The following TMEM71 variants were observed in gnomAD, a reference collection of about 807,000 sequenced individuals.
TMEM71 encodes the protein transmembrane protein 71.
TMEM71 carries 44 observed loss-of-function variants against 38.0 expected under a neutral mutation model. The ratio of observed to expected loss-of-function variants is 1.16; its 90% CI spans 0.91 to 1.49. The LOEUF is 1.49. Ranked by LOEUF, TMEM71 falls within the 40% of genes most tolerant of loss-of-function variation. The probability of loss-of-function intolerance (pLI) is 0.00; values close to 1 mark genes in which losing one functional copy is unlikely to be tolerated. For missense variants in TMEM71, 367 were observed against 348.6 expected (o/e 1.05, Z -0.42); for synonymous variants, 133 against 122.5 (o/e 1.09, Z -0.56).
chr8:132,753,380 T>C (rs1414576975), intron 3 of TMEM71, among the ~76,000 whole-genome samples: 2 of 152,304 alleles, frequency 1.3e-5, no homozygotes, highest in South Asian at 2.1e-4. Flanking sequence ...TACCTTGATG[T>C]TTTCAGTAAT....
chr8:132,724,852 T>C (rs560456964), intron 6 of TMEM71, among the ~76,000 whole-genome samples: 8 of 152,268 alleles, frequency 5.3e-5, no homozygotes, highest in African/African-American at 1.7e-4. Context: ...CACATACTTA[T>C]CAACAAAGTT....
At chr8:132,756,674 C>T (rs1002660837) in intron 3 of TMEM71, among the ~76,000 whole-genome samples, 5 of 151,362 alleles carry the variant, frequency 3.3e-5, no homozygotes, top group African/African-American at 7.3e-5. Flanking sequence ...GCAACCTCTG[C>T]CTCCCAGGTT....
chr8:132,737,299 A>G (rs1827803183), intron 5 of TMEM71, among the ~76,000 whole-genome samples: 1 of 152,174 alleles, frequency 6.6e-6, no homozygotes, highest in Non-Finnish European at 1.5e-5. Flanking sequence ...CTGTACTAAG[A>G]TATTTGTGCC....
chr8:132,706,173 G>GA (rs34348140), downstream of TMEM71, among the ~76,000 whole-genome samples: 6 of 151,650 alleles, frequency 4.0e-5, no homozygotes, highest in African/African-American at 1.2e-4. Flanking sequence ...TTAGAATTCT[G>GA]AAAAAAAATA....
chr8:132,734,529 A>G (rs1222978958), intron 5 of TMEM71, among the ~76,000 whole-genome samples: 1 of 152,222 alleles, frequency 6.6e-6, no homozygotes, highest in African/African-American at 2.4e-5. Context: ...AGTTGAATAT[A>G]AAGCTTTGCT....
At chr8:132,719,215 C>G (rs1001308551) in intron 7 of TMEM71, among the ~76,000 whole-genome samples, 1 of 152,314 alleles carries the variant, frequency 6.6e-6, no homozygotes, top group South Asian at 2.1e-4. Context: ...ACTATTCTTA[C>G]ATCTATAATA....
At position 132,749,233 on chromosome 8, in the gene TMEM71, A is replaced by G. The variant is rs1425711; in HGVS notation, c.315-2119T>C. On this transcript the variant is annotated intron_variant, in intron 4 of 9. Transcript: ENST00000677595. ...GAAGGTAGGTAATCCAGGAGGCATC[A>G]GAATCAACCATGGCTGAAATCTAAA... Among the ~76,000 whole-genome samples the G allele has an allele frequency of 1.8e-3, 279 of 152,358 alleles. 4 individuals are homozygous for G. The highest frequency in any genetic ancestry group is 6.4e-3 in the African/African-American group (267 of 41,578).
upstream of TMEM71, among the ~76,000 whole-genome samples, chr8:132,763,876 T>C (rs1829332398): frequency 1.3e-5 from 2 of 152,214 alleles, no homozygotes; most frequent in Admixed American, 1.3e-4. Context: ...AAAGAACTCA[T>C]GTTAGGAAAT....
intron 6 of TMEM71, among the ~76,000 whole-genome samples, chr8:132,727,338 C>A (rs1222894107): frequency 3.3e-5 from 5 of 151,436 alleles, no homozygotes; most frequent in African/African-American, 1.2e-4. Context: ...CTCACTGCAA[C>A]CTCTGCCTCC....
chr8:132,744,013 A>T (rs1430835091), intron 5 of TMEM71, among the ~76,000 whole-genome samples: 1 of 152,078 alleles, frequency 6.6e-6, no homozygotes, highest in Admixed American at 6.5e-5. Context: ...ATTCCCCATT[A>T]TATCATATAA....
chr8:132,751,412 C>T (rs181230544), intron 4 of TMEM71, among the ~76,000 whole-genome samples: 216 of 152,308 alleles, frequency 1.4e-3, no homozygotes, highest in African/African-American at 4.7e-3. Flanking sequence ...TACCTATTCC[C>T]CAAGTAAAAT....
At chr8:132,713,368 A>G (rs1340154916) in intron 9 of TMEM71, among the ~76,000 whole-genome samples, 1 of 152,158 alleles carries the variant, frequency 6.6e-6, no homozygotes, top group Non-Finnish European at 1.5e-5. Context: ...TTTCAGAATT[A>G]GCGCAGATTT....
the TMEM71 span, among the ~76,000 whole-genome samples, chr8:132,772,119 T>A: frequency 1.3e-5 from 2 of 152,244 alleles, no homozygotes; most frequent in African/African-American, 4.8e-5. Context: ...AAAAAATAGC[T>A]ATCTTGTGTT....
chr8:132,775,892 C>T, the TMEM71 span, among the ~76,000 whole-genome samples: 1 of 152,190 alleles, frequency 6.6e-6, no homozygotes, highest in African/African-American at 2.4e-5. Flanking sequence ...TCAGCCTTTC[C>T]TGCCTGTCTC....
chr8:132,720,215 T>C (rs1330242866), intron 7 of TMEM71, among the ~76,000 whole-genome samples: 1 of 152,180 alleles, frequency 6.6e-6, no homozygotes, highest in East Asian at 1.9e-4. Context: ...GAGTTACCTT[T>C]CTTACCCCCT....
intron 3 of TMEM71, among the ~76,000 whole-genome samples, chr8:132,753,180 T>G (rs978779800): frequency 6.6e-6 from 1 of 152,056 alleles, no homozygotes. Context: ...GGGCAGATAC[T>G]GTAAGCCTAA....
chr8:132,729,024 T>C (rs1052715063), intron 5 of TMEM71, among the ~76,000 whole-genome samples: 2 of 152,246 alleles, frequency 1.3e-5, no homozygotes, highest in Non-Finnish European at 1.5e-5. Flanking sequence ...CTATGATGAT[T>C]CATACATAAA....
intron 5 of TMEM71, among the ~76,000 whole-genome samples, chr8:132,728,626 C>T (rs1022025376): frequency 2.6e-5 from 4 of 152,324 alleles, no homozygotes; most frequent in African/African-American, 9.6e-5. Flanking sequence ...GAGGCATCTT[C>T]AATGACACTG....
At chr8:132,755,706 T>TA (rs1345807023) in intron 3 of TMEM71, among the ~76,000 whole-genome samples, 1 of 152,230 alleles carries the variant, frequency 6.6e-6, no homozygotes, top group Non-Finnish European at 1.5e-5. Flanking sequence ...TTTTTACATC[T>TA]AAAAGCTTAT....
Sources: allele counts gnomAD v4.1 joint callset (sites outside exome capture counted in the v4.1 genomes callset), GRCh38; gene constraint gnomAD v4.1.1; transcripts MANE v1.5; gene names NCBI Gene and HGNC (gene_info 2026-07-23, HGNC 2026-07-21).